Variants in NEBL observed in about 807,000 individuals in gnomAD.
NEBL encodes nebulette.
A neutral mutation model predicts 140.2 loss-of-function variants in NEBL; 122 were observed. The observed-to-expected ratio is 0.87, with a 90% CI of 0.75 to 1.01. The LOEUF (loss-of-function observed/expected upper bound fraction) is 1.01, where lower values mean the gene tolerates loss of function less well. Among genes scored for constraint, NEBL ranks in the 50% least tolerant of loss-of-function variants. The probability of loss-of-function intolerance (pLI) is 0.00; values close to 1 mark genes in which losing one functional copy is unlikely to be tolerated. For synonymous variants in NEBL, 436 were observed against 398.9 expected (o/e 1.09, Z -1.11); for missense variants, 1,365 against 1,231.3 (o/e 1.11, Z -1.62).
At chr10:20,864,497 A>G (rs1011642771) in intron 7 of NEBL, among the ~76,000 whole-genome samples, 1 of 152,182 alleles carries the variant, frequency 6.6e-6, no homozygotes, top group African/African-American at 2.4e-5. Flanking sequence ...ATTTACAGAT[A>G]AAAGGTGAGA....
chr10:21,004,319 G>A (rs1424542440), intron 3 of NEBL, among the ~76,000 whole-genome samples: 1 of 151,962 alleles, frequency 6.6e-6, no homozygotes, highest in Non-Finnish European at 1.5e-5. Context: ...TTGAAATATT[G>A]GAAAAATTTA....
chr10:21,114,911 A>G (rs1395692059), intron 2 of NEBL, among the ~76,000 whole-genome samples: 1 of 151,934 alleles, frequency 6.6e-6, no homozygotes, highest in African/African-American at 2.4e-5. Context: ...GGCTATTAAA[A>G]TGATTGAGTT....
intron 3 of NEBL, among the ~76,000 whole-genome samples, chr10:20,982,199 G>A (rs576006116): frequency 2.6e-5 from 4 of 152,022 alleles, no homozygotes; most frequent in East Asian, 3.9e-4. Context: ...GGAATGCATC[G>A]TGTAGTTACA....
At chr10:20,806,809 G>T (rs2130748781) in intron 26 of NEBL, among the ~76,000 whole-genome samples, 1 of 152,338 alleles carries the variant, frequency 6.6e-6, no homozygotes, top group Non-Finnish European at 1.5e-5. Context: ...GGATAGACAT[G>T]AAGTAAAGGG....
intron 4 of NEBL, among the ~76,000 whole-genome samples, chr10:20,924,567 A>G (rs1833786817): frequency 6.6e-6 from 1 of 151,860 alleles, no homozygotes; most frequent in Non-Finnish European, 1.5e-5. Flanking sequence ...CACCAAGCAC[A>G]TAACTACATA....
rs1328346313 is a variant in NEBL at position 21,185,847 on chromosome 10, T to TA, written n.349-13371dup. Among the ~76,000 whole-genome samples, 8 of 152,292 alleles carry TA rather than the reference T, an allele frequency of 5.3e-5. No individual in the cohort carries two copies. In the East Asian group the frequency reaches 1.5e-3, roughly 29 times the overall value. On this transcript the variant is annotated intron_variant and non_coding_transcript_variant, in intron 3 of 8. Transcript: ENST00000675702. ...CCCTGTGGCTCATGCATTGCCTTCA[T>TA]AAAATTCTAGTAGTTTATGCAATCG...
chr10:21,107,141 G>A (rs1837754702), intron 2 of NEBL, among the ~76,000 whole-genome samples: 1 of 152,176 alleles, frequency 6.6e-6, no homozygotes, highest in African/African-American at 2.4e-5. Context: ...GAGACAATAT[G>A]ACTTCCTCTT....
chr10:20,926,803 C>T (rs555861965), intron 4 of NEBL, among the ~76,000 whole-genome samples: 13 of 152,252 alleles, frequency 8.5e-5, no homozygotes, highest in South Asian at 4.1e-4. Context: ...GAGAAAAGAA[C>T]GCAAACAGAG....
At chr10:20,806,966 A>G (rs551632243) in intron 26 of NEBL, among the ~76,000 whole-genome samples, 1 of 152,298 alleles carries the variant, frequency 6.6e-6, no homozygotes, top group Non-Finnish European at 1.5e-5. Context: ...AAATATCAAT[A>G]TTATTCTGCA....
chr10:21,239,079 T>A (rs1039864736), intron 3 of NEBL, among the ~76,000 whole-genome samples: 7 of 152,142 alleles, frequency 4.6e-5, no homozygotes, highest in Admixed American at 1.3e-4. Context: ...GATAAATACA[T>A]CTTTTGTTTC....
At chr10:20,855,020 C>T (rs1247702326) in intron 9 of NEBL, among the ~76,000 whole-genome samples, 1 of 151,958 alleles carries the variant, frequency 6.6e-6, no homozygotes, top group Non-Finnish European at 1.5e-5. Context: ...GTCAAGAGAT[C>T]TAGACCATCC....
At chr10:21,162,417 C>G (rs1389417576) in intron 2 of NEBL, among the ~76,000 whole-genome samples, 1 of 152,124 alleles carries the variant, frequency 6.6e-6, no homozygotes, top group Non-Finnish European at 1.5e-5. Flanking sequence ...CCTAGGGACT[C>G]CTGGGCTTGA....
intron 3 of NEBL, among the ~76,000 whole-genome samples, chr10:21,240,783 G>A (rs1386402503): frequency 2.0e-5 from 3 of 151,936 alleles, no homozygotes; most frequent in Non-Finnish European, 2.9e-5. Flanking sequence ...TTTTTTCTGG[G>A]TTAGGATAAG....
intron 2 of NEBL, among the ~76,000 whole-genome samples, chr10:21,050,996 A>T (rs555810721): frequency 6.6e-6 from 1 of 152,104 alleles, no homozygotes; most frequent in East Asian, 1.9e-4. Context: ...TATTATGAAC[A>T]CTCCACTCAG....
At chr10:20,897,631 A>C, upstream of NEBL, 1 of 753,324 alleles carries the variant, frequency 1.3e-6, no homozygotes, top group Non-Finnish European at 1.6e-6. Context: ...TGTTATCTCA[A>C]AGATTCCTTG....
intron 2 of NEBL, among the ~76,000 whole-genome samples, chr10:21,096,891 T>A (rs1177583814): frequency 6.6e-6 from 1 of 152,026 alleles, no homozygotes. Context: ...CCTTTTTGCA[T>A]CACTCTAGAC....
At chr10:21,066,971 CTT>C (rs56352671) in intron 2 of NEBL, among the ~76,000 whole-genome samples, 5 of 112,818 alleles carry the variant, frequency 4.4e-5, no homozygotes, top group East Asian at 2.6e-4. Context: ...AATAATTTAA[CTT>C]TTTTTTTTTT....
chr10:21,264,110 C>T (rs566162168), intron 1 of NEBL, among the ~76,000 whole-genome samples: 25 of 152,326 alleles, frequency 1.6e-4, no homozygotes, highest in African/African-American at 6.0e-4. Flanking sequence ...CCAGATCTAA[C>T]AGTTGAAGAA....
intron 4 of NEBL, among the ~76,000 whole-genome samples, chr10:20,904,038 G>C (rs1160165360): frequency 9.9e-6 from 1 of 101,100 alleles, no homozygotes; most frequent in Non-Finnish European, 2.5e-5. Context: ...AGATGTCATA[G>C]CAAGAGAACA....
Sources: allele counts gnomAD v4.1 joint callset (sites outside exome capture counted in the v4.1 genomes callset), GRCh38; gene constraint gnomAD v4.1.1; transcripts MANE v1.5; gene names NCBI Gene and HGNC (gene_info 2026-07-23, HGNC 2026-07-21).